LIN54: variants seen among roughly 807,000 people sequenced by gnomAD.
The protein encoded by LIN54 is lin-54 DREAM MuvB core complex component.
In LIN54, 9 loss-of-function variants were observed where a neutral mutation model predicts 78.7. The ratio of observed to expected loss-of-function variants is 0.11; its 90% CI spans 0.07 to 0.20. LIN54 has a LOEUF of 0.20. Among genes scored for constraint, LIN54 ranks in the 10% least tolerant of loss-of-function variants. LIN54 has a pLI of 1.00. For missense variants in LIN54, 573 were observed against 889.9 expected (o/e 0.64, Z 4.53); for synonymous variants, 269 against 318.4 (o/e 0.84, Z 1.65).
intron 3 of LIN54, among the ~76,000 whole-genome samples, chr4:82,974,465 G>GGT (rs1725973572): frequency 6.6e-6 from 1 of 151,878 alleles, no homozygotes; most frequent in African/African-American, 2.4e-5. Flanking sequence ...GGCTGGGCGT[G>GGT]GTGGCTCACA....
intron 4 of LIN54, among the ~76,000 whole-genome samples, chr4:82,947,227 A>ATTTTTT (rs1425401118): frequency 2.6e-4 from 6 of 22,884 alleles, no homozygotes; most frequent in African/African-American, 6.1e-4. Context: ...ATATATATAT[A>ATTTTTT]TATATATATT....
intron 1 of LIN54, among the ~76,000 whole-genome samples, chr4:82,997,562 A>G (rs7696100): frequency 0.027 from 4,147 of 152,134 alleles, 131 homozygotes; most frequent in African/African-American, 0.07. Flanking sequence ...TAGATGACTA[A>G]CATGATCACA....
intron 11 of LIN54, 51 bp downstream of exon 11, chr4:82,935,930 C>T: frequency 6.4e-7 from 1 of 1,570,010 alleles, no homozygotes; most frequent in South Asian, 1.1e-5. Flanking sequence ...GTAGTAGGTC[C>T]TTTCTAAAAC....
chr4:82,948,054 A>G (rs1358285064), intron 4 of LIN54, among the ~76,000 whole-genome samples: 4 of 152,206 alleles, frequency 2.6e-5, no homozygotes, highest in African/African-American at 9.6e-5. Context: ...CAGCAGCCAT[A>G]CCAGTGAATT....
chr4:82,928,717 A>T (rs1290612937), intron 12 of LIN54, among the ~76,000 whole-genome samples: 2 of 152,250 alleles, frequency 1.3e-5, no homozygotes, highest in Non-Finnish European at 2.9e-5. Flanking sequence ...CTACATGAAT[A>T]GTTGCTGAAT....
In LIN54 at chr4:82,984,781, T is replaced by C; in HGVS notation, c.64A>G (p.Thr22Ala). ...TCAATACTATCATCATCCACTAAAG[T>C]TATACCAGTGTCCATTATTTCCTCT... is the stretch of plus-strand genomic sequence containing the variant. The part of the protein sequence containing the change: ...LPEEIMDTGI[T>A]LVDDDSIEAV... The change falls in exon 2 of 13, where the codon ACT (threonine) becomes GCT (alanine). Residue 22 changes from threonine (T) to alanine (A), a missense_variant. Around this residue, in one of 6 missense-constraint regions of LIN54, gnomAD observed 183 missense variants for 228.4 expected, o/e 0.80. Coordinates refer to ENST00000340417, the MANE Select transcript of LIN54 (RefSeq NM_194282.4). 6.2e-7 allele frequency: 1 copy of C among 1,613,994 alleles called. No individual in the cohort carries two copies.
At chr4:82,993,303 G>T (rs977905576) in intron 1 of LIN54, among the ~76,000 whole-genome samples, 4 of 141,530 alleles carry the variant, frequency 2.8e-5, no homozygotes, top group Non-Finnish European at 4.5e-5. Flanking sequence ...TGCAACCTCC[G>T]CCACCTGGGT....
intron 7 of LIN54, 27 bp from the exon 8 acceptor site, chr4:82,938,531 A>G: frequency 2.2e-6 from 3 of 1,346,560 alleles, no homozygotes; most frequent in Non-Finnish European, 3.2e-6. Context: ...TTAATTTTAG[A>G]TCATATTTCC....
Position 82,927,015 on chromosome 4 carries a change from C to CGG in LIN54, c.*1086_*1087insCC. On this transcript the variant is annotated 3_prime_UTR_variant, in exon 13 of 13. Transcript: ENST00000340417. Reference sequence around the variant, plus strand: ...ACAAAAAATGAGCCGGGCATGGTGGCATGCACCTGTAGTCCCAGCTACACG... The same window carrying CGG: ...ACAAAAAATGAGCCGGGCATGGTGGCGGATGCACCTGTAGTCCCAGCTACACG... The CGG allele has an allele frequency of 1.3e-5, 2 of 152,454 alleles. No homozygotes were observed. The highest frequency in any genetic ancestry group is 2.4e-5 in the African/African-American group (1 of 41,426). The allele number at this position is 152,454 out of a possible 1,614,324, so 9.4% of individuals were successfully genotyped here. A position where few individuals can be genotyped will look rare whatever the true frequency, so the allele number is the denominator to read the frequency against.
At chr4:82,938,080 C>G (rs1361603442) in intron 8 of LIN54, among the ~76,000 whole-genome samples, 1 of 152,108 alleles carries the variant, frequency 6.6e-6, no homozygotes, top group Non-Finnish European at 1.5e-5. Context: ...GAGCTGAGAT[C>G]ACAGCACTGC....
chr4:82,947,235 A>ATATATATATATATATTTTTT, intron 4 of LIN54, among the ~76,000 whole-genome samples: 1 of 44,292 alleles, frequency 2.3e-5, no homozygotes, highest in Non-Finnish European at 3.7e-5. Flanking sequence ...ATATATATAT[A>ATATATATATATATATTTTTT]TTTTTTTTTT....
chr4:82,988,917 G>A (rs538516307), intron 1 of LIN54, among the ~76,000 whole-genome samples: 20 of 152,004 alleles, frequency 1.3e-4, no homozygotes, highest in African/African-American at 4.1e-4. Context: ...GGCCGGGCGC[G>A]GTGTCTTATG....
intron 11 of LIN54, among the ~76,000 whole-genome samples, chr4:82,932,549 T>C (rs890366759): frequency 1.3e-5 from 2 of 149,404 alleles, no homozygotes; most frequent in African/African-American, 4.9e-5. Context: ...CCAGGCGCGG[T>C]GGCTCACGCC....
intron 3 of LIN54, among the ~76,000 whole-genome samples, chr4:82,973,813 G>T (rs1019771568): frequency 3.3e-5 from 5 of 152,180 alleles, no homozygotes; most frequent in African/African-American, 1.2e-4. Flanking sequence ...GAAGACCCAT[G>T]ACTGAAAACC....
At chr4:82,960,154 T>C (rs1267974117) in intron 4 of LIN54, among the ~76,000 whole-genome samples, 3 of 152,180 alleles carry the variant, frequency 2.0e-5, no homozygotes, top group African/African-American at 7.2e-5. Context: ...AATTATTCAC[T>C]ACCTGGGTGA....
chr4:82,954,197 G>T (rs1398206862), intron 4 of LIN54, among the ~76,000 whole-genome samples: 1 of 151,870 alleles, frequency 6.6e-6, no homozygotes, highest in East Asian at 1.9e-4. Flanking sequence ...TGAAATTTCT[G>T]CAAGGAAAAA....
chr4:82,999,095 C>T (rs1728512769), intron 1 of LIN54, among the ~76,000 whole-genome samples: 1 of 152,146 alleles, frequency 6.6e-6, no homozygotes, highest in Admixed American at 6.6e-5. Flanking sequence ...TTGTCTGTTT[C>T]CACATGAGCA....
intron 1 of LIN54, among the ~76,000 whole-genome samples, chr4:83,009,183 C>A (rs561050886): frequency 6.6e-6 from 1 of 152,164 alleles, no homozygotes; most frequent in African/African-American, 2.4e-5. Flanking sequence ...AAACTATACA[C>A]ACCTATTCAC....
intron 1 of LIN54, among the ~76,000 whole-genome samples, chr4:83,002,777 T>C (rs900238646): frequency 6.6e-6 from 1 of 152,316 alleles, no homozygotes; most frequent in African/African-American, 2.4e-5. Flanking sequence ...GAATATGATA[T>C]GTAATAAATA....
Sources: gnomAD v4.1 joint callset for allele counts (sites outside exome capture counted in the v4.1 genomes callset) on GRCh38, gnomAD v4.1.1 for gene constraint, gnomAD v4.1.1 regional missense constraint, MANE v1.5 for transcripts, NCBI Gene and HGNC (gene_info 2026-07-23, HGNC 2026-07-21) for gene names.